The following TCF4 variants were observed in gnomAD, a reference collection of about 807,000 sequenced individuals.
TCF4 encodes the protein transcription factor 4.
In TCF4, 3 loss-of-function variants were observed where a neutral mutation model predicts 82.1. That is an observed-to-expected ratio of 0.04 (90% CI 0.02 to 0.09). The LOEUF is 0.09. Ranked by LOEUF, TCF4 falls within the 10% of genes least tolerant of loss-of-function variation. The pLI is 1.00. For missense variants in TCF4, 518 were observed against 852.7 expected, an observed-to-expected ratio of 0.61 and a Z score of 4.89; for synonymous variants, 276 against 309.6, an observed-to-expected ratio of 0.89 and a Z score of 1.14.
intron 6 of TCF4, among the ~76,000 whole-genome samples, chr18:55,393,101 A>G (rs1238437176): frequency 6.6e-6 from 1 of 152,222 alleles, no homozygotes; most frequent in Non-Finnish European, 1.5e-5. Context: ...GCAGTGGCTC[A>G]TGCCTATAAT....
At chr18:55,539,392 T>C (rs2097145817) in intron 3 of TCF4, among the ~76,000 whole-genome samples, 1 of 152,210 alleles carries the variant, frequency 6.6e-6, no homozygotes, top group Admixed American at 6.5e-5. Context: ...CCATATGCAG[T>C]TGCAGAATCT....
intron 3 of TCF4, among the ~76,000 whole-genome samples, chr18:55,468,888 C>A (rs560464023): frequency 4.0e-5 from 5 of 125,386 alleles, no homozygotes; most frequent in Middle Eastern, 3.8e-3. Context: ...CTCGCCCCCC[C>A]CCCCCTTGTT....
intron 8 of TCF4, among the ~76,000 whole-genome samples, chr18:55,333,555 A>T (rs2078015408): frequency 6.6e-6 from 1 of 152,142 alleles, no homozygotes; most frequent in Admixed American, 6.5e-5. Context: ...CAGGTGCTTC[A>T]TTTCAAATGG....
intron 9 of TCF4, among the ~76,000 whole-genome samples, chr18:55,277,689 G>A (rs1429618808): frequency 6.6e-6 from 1 of 151,644 alleles, no homozygotes; most frequent in Non-Finnish European, 1.5e-5. Flanking sequence ...GCTAGGGAAA[G>A]GAGCCTACTG....
At chr18:55,332,554 T>C (rs2077785910) in intron 8 of TCF4, among the ~76,000 whole-genome samples, 1 of 152,216 alleles carries the variant, frequency 6.6e-6, no homozygotes, top group Admixed American at 6.5e-5. Context: ...GGAGAATCAG[T>C]GGTACCAGAC....
chr18:55,547,873 C>T (rs957737265), intron 3 of TCF4, among the ~76,000 whole-genome samples: 13 of 152,026 alleles, frequency 8.6e-5, no homozygotes, highest in African/African-American at 2.9e-4. Flanking sequence ...AAAATAACAA[C>T]TCTATTTTAT....
chr18:55,515,050 C>T (rs189604598), intron 3 of TCF4, among the ~76,000 whole-genome samples: 1 of 152,046 alleles, frequency 6.6e-6, no homozygotes, highest in Non-Finnish European at 1.5e-5. Flanking sequence ...ATAACTTCAG[C>T]AAGATTAGGA....
intron 5 of TCF4, among the ~76,000 whole-genome samples, chr18:55,438,286 CTCTCA>C (rs2095370957): frequency 6.6e-6 from 1 of 151,852 alleles, no homozygotes; most frequent in African/African-American, 2.4e-5. Flanking sequence ...TCACTCTCTC[CTCTCA>C]TTAGTCACTC....
chr18:55,437,938 C>T (rs1197049153), intron 5 of TCF4, among the ~76,000 whole-genome samples: 2 of 152,150 alleles, frequency 1.3e-5, no homozygotes, highest in Non-Finnish European at 2.9e-5. Flanking sequence ...CAGCGGCTCA[C>T]GCCTCTAATC....
chr18:55,529,725 T>A (rs763274945), intron 3 of TCF4, among the ~76,000 whole-genome samples: 66 of 152,140 alleles, frequency 4.3e-4, no homozygotes, highest in Non-Finnish European at 8.2e-4. Flanking sequence ...ATGGCTACAG[T>A]AACACATTTC....
chr18:55,461,059 A>G lies in TCF4; in HGVS notation c.264T>C (p.His88=). The G allele has an allele frequency of 6.2e-7, 1 of 1,613,458 alleles. No individual in the cohort carries two copies. The highest frequency in any genetic ancestry group is 1.1e-5 in the South Asian group (1 of 91,062). Residue 88 remains histidine (H), a synonymous_variant, in exon 5 of 20, where the codon CAT becomes CAC. Transcript: ENST00000354452. ...TGACAAAAGGTGGAGAGAGATTGTC[A>G]TGTGACCCAAGGTCCCTGCTGGTCA... ...DHMTSRDLGS[H]DNLSPPFVNS...
At position 55,338,262 on chromosome 18, in the gene TCF4, T is replaced by A. The variant is rs568297196; in HGVS notation, c.549+12097A>T. Among the ~76,000 whole-genome samples, 3 of 152,048 alleles carry A rather than the reference T, an allele frequency of 2.0e-5. No individual in the cohort carries two copies. In the South Asian group the frequency reaches 6.2e-4, roughly 32 times the overall value. ...TACCTCAGTATGTGATAGAAGAGAGTCAGATGTCCTCAAACTATGTGCCCT... is the reference window on the plus strand; with the variant it reads ...TACCTCAGTATGTGATAGAAGAGAGACAGATGTCCTCAAACTATGTGCCCT... On this transcript the variant is annotated intron_variant, in intron 8 of 19. Transcript: ENST00000354452.
intron 10 of TCF4, among the ~76,000 whole-genome samples, chr18:55,271,691 TA>T (rs2060414063): frequency 6.6e-6 from 1 of 152,098 alleles, no homozygotes; most frequent in African/African-American, 2.4e-5. Context: ...GGCCACCTGT[TA>T]AACTCATTTC....
At chr18:55,332,492 C>T (rs2077772435) in intron 8 of TCF4, among the ~76,000 whole-genome samples, 1 of 152,122 alleles carries the variant, frequency 6.6e-6, no homozygotes, top group African/African-American at 2.4e-5. Context: ...GATGCACTTG[C>T]TATCACTGTA....
intron 3 of TCF4, among the ~76,000 whole-genome samples, chr18:55,511,712 A>T (rs897851404): frequency 6.6e-6 from 1 of 152,128 alleles, no homozygotes; most frequent in African/African-American, 2.4e-5. Context: ...AAACTAAATT[A>T]TTCCTGATTG....
rs953660477 is a variant in TCF4, at chr18:55,315,462, T to C, written c.549+34897A>G. Among the ~76,000 whole-genome samples, 5 of 152,278 alleles carry C rather than the reference T, an allele frequency of 3.3e-5. No individual in the cohort carries two copies. In the East Asian group the frequency reaches 7.7e-4, roughly 24 times the overall value. Reference sequence around the variant, plus strand: ...AAATTCTAATCAGAATGTGGTACTGTGCCATAAATACATCTGCAAATAAAA... The same window carrying C: ...AAATTCTAATCAGAATGTGGTACTGCGCCATAAATACATCTGCAAATAAAA... On this transcript the variant is annotated intron_variant, in intron 8 of 19. Coordinates refer to ENST00000354452, the MANE Select transcript of TCF4 (RefSeq NM_001083962.2).
chr18:55,319,097 C>T (rs1450239224), intron 8 of TCF4, among the ~76,000 whole-genome samples: 5 of 152,202 alleles, frequency 3.3e-5, no homozygotes, highest in Non-Finnish European at 4.4e-5. Context: ...CAACAAATAG[C>T]TGACCACACT....
chr18:55,621,593 T>C (rs756607601), intron 2 of TCF4, among the ~76,000 whole-genome samples: 549 of 9,790 alleles, frequency 0.056, 6 homozygotes, highest in Middle Eastern at 0.091. Flanking sequence ...TATATTATAT[T>C]ATATATTATG....
At chr18:55,629,040 T>A (rs1231387152) in intron 2 of TCF4, among the ~76,000 whole-genome samples, 1 of 152,220 alleles carries the variant, frequency 6.6e-6, no homozygotes, top group Non-Finnish European at 1.5e-5. Flanking sequence ...AAAGTTCCCA[T>A]GTAATAAATA....
Sources: allele counts gnomAD v4.1 joint callset (sites outside exome capture counted in the v4.1 genomes callset), GRCh38; gene constraint gnomAD v4.1.1; transcripts MANE v1.5; gene names NCBI Gene and HGNC (gene_info 2026-07-23, HGNC 2026-07-21).